The following NDUFAF2 variants were observed in gnomAD, a reference collection of about 807,000 sequenced individuals.
The protein encoded by NDUFAF2 is NADH:ubiquinone oxidoreductase complex assembly factor 2, also known as NADH dehydrogenase [ubiquinone] 1 alpha subcomplex assembly factor 2.
NDUFAF2 carries 13 observed loss-of-function variants against 22.8 expected under a neutral mutation model. The ratio of observed to expected loss-of-function variants is 0.57; its 90% CI spans 0.37 to 0.91. The LOEUF (loss-of-function observed/expected upper bound fraction) is 0.91. Ranked by LOEUF, NDUFAF2 falls within the 40% of genes least tolerant of loss-of-function variation. NDUFAF2 has a pLI of 0.01. For synonymous variants in NDUFAF2, 53 were observed against 64.2 expected (o/e 0.83, Z 0.84); for missense variants, 162 against 195.2 (o/e 0.83, Z 1.01).
chr5:61,066,132 A>G (rs563352861), intron 1 of NDUFAF2, among the ~76,000 whole-genome samples: 1 of 152,142 alleles, frequency 6.6e-6, no homozygotes, highest in South Asian at 2.1e-4. Flanking sequence ...ATAAGATACT[A>G]AGGAATAAAT....
intron 1 of NDUFAF2, among the ~76,000 whole-genome samples, chr5:61,053,792 A>G (rs1011740588): frequency 7.9e-5 from 12 of 152,174 alleles, no homozygotes; most frequent in African/African-American, 2.9e-4. Context: ...TAAAATTAAT[A>G]TAGACATGAA....
At chr5:60,945,530 C>G in intron 1 of NDUFAF2, 148 bp downstream of exon 1, 5 of 1,204,720 alleles carry the variant, frequency 4.2e-6, no homozygotes, top group Admixed American at 2.0e-5. Flanking sequence ...TCTCCCCTGT[C>G]GACCCCTTCA....
At chr5:61,043,612 A>G (rs1751909305) in intron 1 of NDUFAF2, among the ~76,000 whole-genome samples, 2 of 151,990 alleles carry the variant, frequency 1.3e-5, no homozygotes, top group African/African-American at 4.8e-5. Flanking sequence ...TACTTACCAT[A>G]ATGTCTTCAA....
chr5:61,081,608 A>G (rs1752443388), intron 2 of NDUFAF2, among the ~76,000 whole-genome samples: 1 of 152,204 alleles, frequency 6.6e-6, no homozygotes, highest in Non-Finnish European at 1.5e-5. Context: ...AAGTTATCCC[A>G]AGTAACAGAG....
chr5:61,102,007 A>C (rs781055346), intron 3 of NDUFAF2, among the ~76,000 whole-genome samples: 1 of 152,128 alleles, frequency 6.6e-6, no homozygotes, highest in Non-Finnish European at 1.5e-5. Flanking sequence ...TTTTTGATCC[A>C]TTAGTTTTGA....
chr5:61,050,705 G>C (rs1316165704), intron 1 of NDUFAF2, among the ~76,000 whole-genome samples: 1 of 152,118 alleles, frequency 6.6e-6, no homozygotes, highest in South Asian at 2.1e-4. Context: ...TTTTCTACAT[G>C]TAAAAGATTG....
intron 3 of NDUFAF2, among the ~76,000 whole-genome samples, chr5:61,122,442 A>G (rs1383373413): frequency 6.6e-6 from 1 of 152,216 alleles, no homozygotes; most frequent in African/African-American, 2.4e-5. Flanking sequence ...TTTAAAGTCA[A>G]CAAGAATCCT....
At chr5:61,081,047 G>A (rs1752435690) in intron 2 of NDUFAF2, among the ~76,000 whole-genome samples, 1 of 151,950 alleles carries the variant, frequency 6.6e-6, no homozygotes, top group African/African-American at 2.4e-5. Context: ...TGTTTTTTAT[G>A]GCAATCTAAT....
chr5:61,097,869 A>C (rs1277843875), intron 2 of NDUFAF2, among the ~76,000 whole-genome samples: 1 of 152,194 alleles, frequency 6.6e-6, no homozygotes, highest in African/African-American at 2.4e-5. Context: ...TTCAAATACA[A>C]CCATTACTAC....
intron 3 of NDUFAF2, among the ~76,000 whole-genome samples, chr5:61,100,357 T>A (rs1752691031): frequency 6.6e-6 from 1 of 152,168 alleles, no homozygotes; most frequent in African/African-American, 2.4e-5. Flanking sequence ...GCACAACTTC[T>A]GTAAATTTTA....
At chr5:60,984,574 C>G (rs1481016056) in intron 1 of NDUFAF2, among the ~76,000 whole-genome samples, 3 of 152,142 alleles carry the variant, frequency 2.0e-5, no homozygotes, top group East Asian at 3.9e-4. Context: ...TACGTCCCAT[C>G]AATACCTAAT....
chr5:60,977,856 A>T (rs1411108271), intron 1 of NDUFAF2, among the ~76,000 whole-genome samples: 2 of 147,562 alleles, frequency 1.4e-5, no homozygotes, highest in Admixed American at 6.8e-5. Context: ...AAAAAAAGAA[A>T]AGAAGCCACC....
rs1179851174 is a variant in NDUFAF2 at position 61,072,856 on chromosome 5, C to T, written c.128-269C>T. Among the ~76,000 whole-genome samples the T allele has an allele frequency of 2.0e-5, 3 of 152,160 alleles. No individual in the cohort carries two copies. The East Asian group carries it at 5.8e-4, about 29-fold the overall frequency. ...AGCTCAGGCGATCCACCCACCTCGGCCTCCCAAAGTGCTGGGATTACAGGC... is the reference window on the plus strand; with the variant it reads ...AGCTCAGGCGATCCACCCACCTCGGTCTCCCAAAGTGCTGGGATTACAGGC... On this transcript the variant is annotated intron_variant, in intron 1 of 3. Transcript: ENST00000296597.
At chr5:61,040,288 GC>G (rs1561548639) in intron 1 of NDUFAF2, among the ~76,000 whole-genome samples, 46 of 53,430 alleles carry the variant, frequency 8.6e-4, no homozygotes, top group African/African-American at 3.4e-3. Context: ...ACACACACAC[GC>G]GCGCGCGCGC....
chr5:61,042,031 C>T (rs248678), intron 1 of NDUFAF2, among the ~76,000 whole-genome samples: 21,275 of 152,038 alleles, frequency 0.14, 1,852 homozygotes, highest in South Asian at 0.27. Flanking sequence ...GGTATGACCA[C>T]GTAGATTTGT....
chr5:61,152,812 C>A lies in NDUFAF2; in HGVS notation c.367C>A (p.Pro123Thr), dbSNP rs765188308. 1.2e-6 allele frequency: 2 copies of A among 1,603,280 alleles called. No individual in the cohort carries two copies. The highest frequency in any genetic ancestry group is 1.7e-6 in the Non-Finnish European group (2 of 1,174,152). ...SKETSEELLP[P>T]PVQTQIKGHA... is the part of the protein sequence containing the mutation. ...AGAGACCAGTGAGGAACTCCTGCCT[C>A]CACCAGTTCAAACTCAAATTAAAGG... is the stretch of plus-strand genomic sequence containing the variant. Residue 123 changes from proline (P) to threonine (T), a missense_variant, in exon 4 of 4, where the codon CCA becomes ACA. Around this residue, in one of 2 missense-constraint regions of NDUFAF2, gnomAD observed 68 missense variants for 110.0 expected, o/e 0.62. Transcript: ENST00000296597.
intron 1 of NDUFAF2, among the ~76,000 whole-genome samples, chr5:61,014,939 G>A (rs1254227042): frequency 6.6e-6 from 1 of 152,044 alleles, no homozygotes; most frequent in African/African-American, 2.4e-5. Context: ...CTATATATAG[G>A]GAGAAGAGAA....
At chr5:61,104,881 A>G (rs1033115165) in intron 3 of NDUFAF2, among the ~76,000 whole-genome samples, 2 of 152,152 alleles carry the variant, frequency 1.3e-5, no homozygotes, top group African/African-American at 2.4e-5. Context: ...TCACCTTACA[A>G]CAAGGATAGT....
intron 1 of NDUFAF2, among the ~76,000 whole-genome samples, chr5:61,022,442 A>G (rs1485426199): frequency 6.6e-6 from 1 of 152,208 alleles, no homozygotes. Flanking sequence ...ATGGTTTAAT[A>G]GGGTATAGAA....
Sources: gnomAD v4.1 joint callset for allele counts (sites outside exome capture counted in the v4.1 genomes callset) on GRCh38, gnomAD v4.1.1 for gene constraint, gnomAD v4.1.1 regional missense constraint, MANE v1.5 for transcripts, NCBI Gene and HGNC (gene_info 2026-07-23, HGNC 2026-07-21) for gene names.